Variants in PKD1 observed in about 807,000 individuals in gnomAD.
PKD1 encodes the protein polycystin 1, transient receptor potential channel interacting.
In PKD1, 81 loss-of-function variants were observed where a neutral mutation model predicts 361.7. The ratio of observed to expected loss-of-function variants is 0.22; its 90% CI spans 0.19 to 0.27. The LOEUF (loss-of-function observed/expected upper bound fraction) is 0.27, where lower values mean the gene tolerates loss of function less well. Among genes scored for constraint, PKD1 ranks in the 10% least tolerant of loss-of-function variants. PKD1 has a pLI of 1.00. For synonymous variants in PKD1, 3,615 were observed against 2,818.3 expected (o/e 1.28, Z -8.95); for missense variants, 6,399 against 6,118.3 (o/e 1.05, Z -1.53).
chr16:2,120,060 A>G (rs972628934), intron 1 of PKD1: 1 of 581,616 alleles, frequency 1.7e-6, no homozygotes, highest in Non-Finnish European at 3.1e-6. Flanking sequence ...AAAAATACAC[A>G]TTAGCCAGGC....
At position 2,118,317 on chromosome 16, in the gene PKD1, C is replaced by T. The variant is rs571270719; in HGVS notation, c.675G>A (p.Ser225=). The change falls in exon 5 of 46, where the codon TCG becomes TCA. Residue 225 remains serine, a synonymous_variant. Coordinates refer to ENST00000262304, the MANE Select transcript of PKD1 (RefSeq NM_001009944.3). The surrounding 1 kb of genome is among the most constrained non-coding windows in gnomAD (Gnocchi z 6.0). ...FSTGQGLAAL[S]EQGWCLCGAA... ...CCCCACACAGGCACCAGCCCTGCTC[C>T]GAGAGGGCTGCGAGGCCCTGGCCGG... is the stretch of plus-strand genomic sequence containing the variant. 38 of 1,514,746 alleles carry T rather than the reference C, an allele frequency of 2.5e-5. No homozygotes were observed. Among genetic ancestry groups the T allele is most frequent in the Admixed American group, 9.8e-5 (5 of 50,950 alleles). 93.8% of individuals were successfully genotyped at this position (1,514,746 alleles called of 1,614,324 possible). A position where few individuals can be genotyped will look rare whatever the true frequency, so the allele number is the denominator to read the frequency against.
chr16:2,132,238 G>C (rs1167728554), intron 1 of PKD1, among the ~76,000 whole-genome samples: 1 of 140,608 alleles, frequency 7.1e-6, no homozygotes, highest in Non-Finnish European at 1.5e-5. Context: ...CAACAAGAGC[G>C]AAACTCCGTC....
In PKD1 at chr16:2,097,128, C is replaced by T. The variant is rs1230929038; in HGVS notation, c.10499+20G>A. On this transcript the variant is annotated intron_variant, in intron 34 of 45. Coordinates refer to ENST00000262304, the MANE Select transcript of PKD1 (RefSeq NM_001009944.3). Reference sequence around the variant, plus strand: ...CCCCTCCTCTGGCAATCCCCCCTCCCCCGAGAGCCGGACACTCACAGGCTG... The same window carrying T: ...CCCCTCCTCTGGCAATCCCCCCTCCTCCGAGAGCCGGACACTCACAGGCTG... The T allele has an allele frequency of 3.2e-6, 5 of 1,540,154 alleles. No individual in the cohort carries two copies. The highest frequency in any genetic ancestry group is 4.9e-5 in the East Asian group (2 of 40,894).
chr16:2,103,176 A>G lies in PKD1; in HGVS notation c.8791+90T>C, dbSNP rs1397893197. 4.9e-6 allele frequency: 7 copies of G among 1,420,716 alleles called. No homozygotes were observed. In the East Asian group the frequency reaches 1.7e-4, roughly 35 times the overall value. The allele number at this position is 1,420,716 out of a possible 1,614,324, so 88.0% of individuals were successfully genotyped here. A position where few individuals can be genotyped will look rare whatever the true frequency, so the allele number is the denominator to read the frequency against. On this transcript the variant is annotated intron_variant, in intron 23 of 45. Transcript: ENST00000262304. ...GCCCATGAAACAGAAAGCAAATTTC[A>G]CCAGAGACACCCATGGAAGCCCTAC...
Position 2,110,565 on chromosome 16 carries a change from G to A in PKD1, c.4602C>T (p.Ser1534=). ...TVRVAGWNEV[S]RSEAWLNVTV... is the part of the protein sequence containing the mutation. ...TCACATTGAGCCAGGCCTCGCTGCG[G>A]CTCACCTCATTCCAGCCGGCCACCC... Residue 1534 remains serine (S), a synonymous_variant, in exon 15 of 46, where the codon AGC becomes AGT. Coordinates refer to ENST00000262304, the MANE Select transcript of PKD1 (RefSeq NM_001009944.3). The A allele has an allele frequency of 1.2e-6, 2 of 1,611,136 alleles. No individual in the cohort carries two copies. Among genetic ancestry groups the A allele is most frequent in the South Asian group, 2.2e-5 (2 of 91,026 alleles).
rs150064577 is a variant in PKD1, at chr16:2,103,253, C to T, written c.8791+13G>A. 298 of 1,608,966 alleles carry T rather than the reference C, an allele frequency of 1.9e-4. 2 individuals carry two copies. The East Asian group carries it at 6.6e-3, about 36-fold the overall frequency. On this transcript the variant is annotated intron_variant, in intron 23 of 45. Transcript: ENST00000262304. ...GGCCAGGGGGCCGCGTGTGCCCCAC[C>T]CGCTGCACGCACCGTCCAGCAGCGT...
chr16:2,092,803 C>T, intron 38 of PKD1, 151 bp downstream of exon 38: 2 of 981,384 alleles, frequency 2.0e-6, no homozygotes, highest in Non-Finnish European at 3.2e-6. Flanking sequence ...ACCTGTGTCC[C>T]TCCCCTCTGC....
Position 2,088,759 on chromosome 16 carries a change from G to C in PKD1, c.*968C>G, listed in dbSNP as rs1299264024. ...CTTTGTCTGCTTGGTGCGGGGGTTG[G>C]GGGGGTGTCGAGGCTCTAGAAGCGG... On this transcript the variant is annotated 3_prime_UTR_variant, in exon 46 of 46. Transcript: ENST00000262304. 4.3e-6 allele frequency: 5 copies of C among 1,161,960 alleles called. No individual in the cohort carries two copies. The highest frequency in any genetic ancestry group is 6.0e-6 in the Non-Finnish European group (5 of 837,662). 72.0% of individuals were successfully genotyped at this position (1,161,960 alleles called of 1,614,324 possible).
Position 2,135,548 on chromosome 16 carries a change from G to A in PKD1, c.142C>T (p.Arg48Cys). Residue 48 changes from arginine (R) to cysteine (C), a missense_variant, in exon 1 of 46, where the codon CGC becomes TGC. Coordinates refer to ENST00000262304, the MANE Select transcript of PKD1 (RefSeq NM_001009944.3). ...AGCCCGCGGCCCGAGCAGTTGACGC[G>A]GCAGGCGGCGCCGGGCGCTGGGCCG... ...LCGPAPGAAC[R>C]VNCSGRGLRT... 2 of 1,139,476 alleles carry A rather than the reference G, an allele frequency of 1.8e-6. No individual in the cohort carries two copies. The highest frequency in any genetic ancestry group is 2.2e-6 in the Non-Finnish European group (2 of 929,084). The allele number at this position is 1,139,476 out of a possible 1,614,324, so 70.6% of individuals were successfully genotyped here.
rs770060851 is a variant in PKD1, at chr16:2,116,584, G to A, written c.1667C>T (p.Pro556Leu). The A allele has an allele frequency of 1.3e-6, 2 of 1,568,704 alleles. No homozygotes were observed. Among genetic ancestry groups the A allele is most frequent in the East Asian group, 2.3e-5 (1 of 42,924 alleles). Reference sequence around the variant, plus strand: ...GTCCTGCTGTGCCAGAGGCGTCAGGGGTCCCTGCAGGTCCCCACTGGGCGC... The same window carrying A: ...GTCCTGCTGTGCCAGAGGCGTCAGGAGTCCCTGCAGGTCCCCACTGGGCGC... The part of the protein sequence containing the change: ...VGAPSGDLQG[P>L]LTPLAQQDGL... The change falls in exon 8 of 46, where the codon CCC (proline) becomes CTC (leucine). Residue 556 changes from proline to leucine, a missense_variant. Physicochemically the swap from Pro to Leu is moderately conservative, Grantham distance 98. Transcript: ENST00000262304.
rs750023705 is a variant in PKD1 at position 2,097,304 on chromosome 16, C to T, written c.10405+15G>A. The T allele has an allele frequency of 1.6e-5, 25 of 1,612,276 alleles. No individual in the cohort carries two copies. Among genetic ancestry groups the T allele is most frequent in the Non-Finnish European group, 2.1e-5 (25 of 1,179,766 alleles). On this transcript the variant is annotated intron_variant, in intron 33 of 45. Coordinates refer to ENST00000262304, the MANE Select transcript of PKD1 (RefSeq NM_001009944.3). ...AGGGTGAGCTTCAGAGCCCCCTCCT[C>T]TCACCCCAGCTCACCTGATGCTGAG... is the stretch of plus-strand genomic sequence containing the variant.
At position 2,110,265 on chromosome 16, in the gene PKD1, C is replaced by T; in HGVS notation, c.4902G>A (p.Gly1634=). The change falls in exon 15 of 46, where the codon GGG becomes GGA. Residue 1634 remains glycine, a synonymous_variant. Transcript: ENST00000262304. ...AGCGGCCACCGCCCACCACCTGCAGCCCCTCTATGAGCTGCAGGACATAGA... is the reference window on the plus strand; with the variant it reads ...AGCGGCCACCGCCCACCACCTGCAGTCCCTCTATGAGCTGCAGGACATAGA... ...IFVYVLQLIE[G]LQVVGGGRYF... The T allele has an allele frequency of 1.2e-6, 2 of 1,612,522 alleles. No homozygotes were observed. Among genetic ancestry groups the T allele is most frequent in the Non-Finnish European group, 1.7e-6 (2 of 1,179,796 alleles).
chr16:2,100,354 T>C lies in PKD1; in HGVS notation c.9568+42A>G, dbSNP rs372256886. ...AGGTCAGGCTCGCAGGGCGCCCCAA[T>C]GCGGGGGCAGAGGGGCAGAGCTTGG... is the stretch of plus-strand genomic sequence containing the variant. On this transcript the variant is annotated intron_variant, in intron 27 of 45. Transcript: ENST00000262304. This position sits in a 1 kb window ranked among gnomAD's most constrained non-coding sequence, Gnocchi z 4.4. 18 of 1,610,538 alleles carry C rather than the reference T, an allele frequency of 1.1e-5. No individual in the cohort carries two copies. Among genetic ancestry groups the C allele is most frequent in the Non-Finnish European group, 1.5e-5 (18 of 1,179,396 alleles).
chr16:2,098,533 A>T (rs1376013505), intron 30 of PKD1, among the ~76,000 whole-genome samples: 52 of 146,082 alleles, frequency 3.6e-4, no homozygotes, highest in Admixed American at 1.4e-3. Context: ...TAATTAACTT[A>T]AATACGAGCA....
chr16:2,104,356 AGGGGGATGAGGATGGGAATTGGGGG>A, intron 22 of PKD1, 117 bp downstream of exon 22: 1 of 459,230 alleles, frequency 2.2e-6, no homozygotes, highest in Non-Finnish European at 3.9e-6. Context: ...GAATTGGGGG[AGGGGGATGAGGATGGGAATTGGGGG>A]GAGGGGAGGG....
At position 2,111,047 on chromosome 16, in the gene PKD1, T is replaced by C; in HGVS notation, c.4120A>G (p.Ile1374Val). 1 of 1,610,672 alleles carries C rather than the reference T, an allele frequency of 6.2e-7. No homozygotes were observed. Among genetic ancestry groups the C allele is most frequent in the Non-Finnish European group, 8.5e-7 (1 of 1,179,800 alleles). ...TTGCCCACCTCTGGCTCCACGCAGA[T>C]GCTGGTGAAGTAATGCGCCCTGTTC... ...RVNRAHYFTS[I>V]CVEPEVGNVT... The change falls in exon 15 of 46, where the codon ATC (isoleucine) becomes GTC (valine). Residue 1374 changes from isoleucine (I) to valine (V), a missense_variant. Transcript: ENST00000262304.
In PKD1 at chr16:2,091,456, G is replaced by A. The variant is rs1305325173; in HGVS notation, c.11679C>T (p.Leu3893=). ...GCAGAGGCAGCGAGAGGCCCGCGCT[G>A]AGGCGGCGCAGCGCAAAGGGGCGGA... ...LSVRPFALRR[L]SAGLSLPLLT... is the part of the protein sequence containing the mutation. The change falls in exon 42 of 46, where the codon CTC becomes CTT. Residue 3893 remains leucine, a synonymous_variant. Transcript: ENST00000262304. The A allele has an allele frequency of 3.2e-6, 4 of 1,246,178 alleles. No homozygotes were observed. The highest frequency in any genetic ancestry group is 8.2e-5 in the East Asian group (2 of 24,276). 77.2% of individuals were successfully genotyped at this position (1,246,178 alleles called of 1,614,324 possible).
Position 2,106,316 on chromosome 16 carries a change from T to A in PKD1, c.7490-12A>T, listed in dbSNP as rs764246686. 3.1e-6 allele frequency: 5 copies of A among 1,607,544 alleles called. No individual in the cohort carries two copies. Among genetic ancestry groups the A allele is most frequent in the Non-Finnish European group, 4.2e-6 (5 of 1,177,684 alleles). On this transcript the variant is annotated splice_polypyrimidine_tract_variant and intron_variant, in intron 18 of 45. Transcript: ENST00000262304. This position sits in a 1 kb window ranked among gnomAD's most constrained non-coding sequence, Gnocchi z 6.5. The stretch of plus-strand genomic sequence containing the variant: ...CGCGTCATGCCAGCCTGAGGGACGG[T>A]CCCCACGGCATCACGGGAGGGCTCC...
At chr16:2,129,258 CAG>C (rs766444209) in intron 1 of PKD1, among the ~76,000 whole-genome samples, 6 of 150,378 alleles carry the variant, frequency 4.0e-5, no homozygotes, top group Non-Finnish European at 8.9e-5. Flanking sequence ...CTCATAGACT[CAG>C]GGAATCCTCC....
Sources: gnomAD v4.1 joint callset for allele counts (sites outside exome capture counted in the v4.1 genomes callset) on GRCh38, gnomAD v4.1.1 for gene constraint, Gnocchi (gnomAD v3.1) non-coding constraint, MANE v1.5 for transcripts, NCBI Gene and HGNC (gene_info 2026-07-23, HGNC 2026-07-21) for gene names.